NFIB: variants seen among roughly 807,000 people sequenced by gnomAD.
NFIB encodes the protein nuclear factor I B, also known as nuclear factor 1 B-type.
NFIB carries 11 observed loss-of-function variants against 61.5 expected under a neutral mutation model. The ratio of observed to expected loss-of-function variants is 0.18; its 90% CI spans 0.11 to 0.30. The LOEUF (loss-of-function observed/expected upper bound fraction) is 0.30, where lower values mean the gene tolerates loss of function less well. Ranked by LOEUF, NFIB falls within the 10% of genes least tolerant of loss-of-function variation. The pLI is 1.00. For synonymous variants in NFIB, 260 were observed against 216.5 expected (o/e 1.20, Z -1.76); for missense variants, 471 against 608.9 (o/e 0.77, Z 2.38).
the NFIB span, among the ~76,000 whole-genome samples, chr9:14,430,593 T>C: frequency 6.6e-6 from 1 of 151,964 alleles, no homozygotes; most frequent in East Asian, 1.9e-4. Flanking sequence ...TATTTATTTA[T>C]TTATTTGAGA....
chr9:14,246,403 C>G (rs2054929292), intron 2 of NFIB, among the ~76,000 whole-genome samples: 1 of 152,118 alleles, frequency 6.6e-6, no homozygotes, highest in African/African-American at 2.4e-5. Flanking sequence ...CACCAAAATG[C>G]CTCTCTGCCC....
At chr9:14,268,228 A>G (rs1181043055) in intron 2 of NFIB, among the ~76,000 whole-genome samples, 1 of 151,798 alleles carries the variant, frequency 6.6e-6, no homozygotes, top group Non-Finnish European at 1.5e-5. Flanking sequence ...TCCTCCCTTC[A>G]CTCCATTTTC....
chr9:14,234,825 T>G (rs920358524), intron 2 of NFIB, among the ~76,000 whole-genome samples: 1 of 151,870 alleles, frequency 6.6e-6, no homozygotes, highest in African/African-American at 2.4e-5. Flanking sequence ...TGGGTATGTT[T>G]TAACTATTTC....
chr9:14,300,628 C>G (rs1378821289), intron 2 of NFIB, among the ~76,000 whole-genome samples: 1 of 152,184 alleles, frequency 6.6e-6, no homozygotes, highest in African/African-American at 2.4e-5. Context: ...TCAAACAAAG[C>G]AATAACTACT....
intron 10 of NFIB, among the ~76,000 whole-genome samples, chr9:14,095,683 TATAA>T (rs1160513416): frequency 6.6e-6 from 1 of 151,616 alleles, no homozygotes; most frequent in African/African-American, 2.4e-5. Flanking sequence ...GAGATTCTTT[TATAA>T]ATGATTTTCA....
intron 1 of NFIB, among the ~76,000 whole-genome samples, chr9:14,324,799 A>T (rs981129084): frequency 6.6e-6 from 1 of 152,082 alleles, no homozygotes; most frequent in Non-Finnish European, 1.5e-5. Context: ...GAAGCTTATA[A>T]TGATACTTAT....
At chr9:14,124,936 G>A (rs1329373999) in intron 7 of NFIB, among the ~76,000 whole-genome samples, 4 of 152,100 alleles carry the variant, frequency 2.6e-5, no homozygotes, top group African/African-American at 9.7e-5. Context: ...AACATCTACA[G>A]AAATAGTGCC....
chr9:14,130,428 GT>G (rs1385525747), intron 6 of NFIB, among the ~76,000 whole-genome samples: 2 of 152,140 alleles, frequency 1.3e-5, no homozygotes, highest in Non-Finnish European at 2.9e-5. Flanking sequence ...ATAGAACAAT[GT>G]TTTATCCACT....
At chr9:14,228,388 G>C (rs1300247354) in intron 2 of NFIB, among the ~76,000 whole-genome samples, 3 of 151,742 alleles carry the variant, frequency 2.0e-5, no homozygotes, top group African/African-American at 7.3e-5. Flanking sequence ...TAGAGATAAG[G>C]TTTCACCACG....
chr9:14,116,957 G>A (rs1443507630), intron 8 of NFIB, among the ~76,000 whole-genome samples: 4 of 152,168 alleles, frequency 2.6e-5, no homozygotes, highest in African/African-American at 7.2e-5. Flanking sequence ...TTTAGATTCC[G>A]AGATCTATGG....
chr9:14,229,960 C>A (rs1450874453), intron 2 of NFIB, among the ~76,000 whole-genome samples: 1 of 152,152 alleles, frequency 6.6e-6, no homozygotes, highest in Non-Finnish European at 1.5e-5. Flanking sequence ...GCCACCATGT[C>A]CGGCTAATTA....
chr9:14,129,387 C>CAAAAAAAA (rs534691060), intron 6 of NFIB, among the ~76,000 whole-genome samples: 1 of 55,648 alleles, frequency 1.8e-5, no homozygotes, highest in Non-Finnish European at 3.7e-5. Flanking sequence ...AATCCCCGCT[C>CAAAAAAAA]AAAAAAAAAA....
At chr9:14,175,204 C>G (rs1188300802) in intron 3 of NFIB, among the ~76,000 whole-genome samples, 2 of 116,424 alleles carry the variant, frequency 1.7e-5, no homozygotes, top group Non-Finnish European at 3.2e-5. Context: ...GAGTCTCGCT[C>G]TGTTGTCCAG....
At chr9:14,332,140 C>G (rs2060828924) in intron 1 of NFIB, among the ~76,000 whole-genome samples, 3 of 151,930 alleles carry the variant, frequency 2.0e-5, no homozygotes. Context: ...AGAGACCAGC[C>G]TGGCCAACAT....
intron 1 of NFIB, among the ~76,000 whole-genome samples, chr9:14,339,027 A>G (rs895134255): frequency 6.6e-6 from 1 of 152,210 alleles, no homozygotes; most frequent in Non-Finnish European, 1.5e-5. Flanking sequence ...GCCTGGGAAA[A>G]GAGGACACAC....
chr9:14,290,884 T>C lies in NFIB; in HGVS notation c.562+16105A>G, dbSNP rs559736427. Among the ~76,000 whole-genome samples, 47 of 152,206 alleles carry C rather than the reference T, an allele frequency of 3.1e-4. 1 individual carries two copies. Among genetic ancestry groups the C allele is most frequent in the African/African-American group, 8.2e-4 (34 of 41,578 alleles). On this transcript the variant is annotated intron_variant, in intron 2 of 10. Coordinates refer to ENST00000380953, the MANE Select transcript of NFIB (RefSeq NM_001190737.2). Reference sequence around the variant, plus strand: ...ATTCATTCAACAAATACATATTATCTATTTTATAGTATGCTCTCATAACAT... The same window carrying C: ...ATTCATTCAACAAATACATATTATCCATTTTATAGTATGCTCTCATAACAT...
intron 1 of NFIB, among the ~76,000 whole-genome samples, chr9:14,339,356 G>T (rs1013884442): frequency 9.2e-5 from 14 of 152,120 alleles, no homozygotes; most frequent in Non-Finnish European, 1.5e-5. Flanking sequence ...TAGCTGCCTC[G>T]TTTGCTAAAC....
chr9:14,177,954 A>C (rs545541781), intron 3 of NFIB, among the ~76,000 whole-genome samples: 1 of 152,312 alleles, frequency 6.6e-6, no homozygotes, highest in African/African-American at 2.4e-5. Context: ...GCTCAAGTAG[A>C]GAACAGTTTT....
intron 2 of NFIB, among the ~76,000 whole-genome samples, chr9:14,208,929 C>G (rs1023188982): frequency 6.6e-6 from 1 of 151,928 alleles, no homozygotes; most frequent in Non-Finnish European, 1.5e-5. Context: ...ACACCCCACC[C>G]ATAAGGGAAA....
Sources: gnomAD v4.1 joint callset for allele counts (sites outside exome capture counted in the v4.1 genomes callset) on GRCh38, gnomAD v4.1.1 for gene constraint, MANE v1.5 for transcripts, NCBI Gene and HGNC (gene_info 2026-07-23, HGNC 2026-07-21) for gene names.